Variants in UCK2 observed in about 807,000 individuals in gnomAD.
UCK2 encodes uridine-cytidine kinase 2, also known as cytidine monophosphokinase 2.
Under a neutral mutation model 30.8 loss-of-function variants are expected in UCK2, and 6 were observed. The observed-to-expected ratio is 0.19, with a 90% CI of 0.11 to 0.38. The LOEUF is 0.38. UCK2 is among the 10% of genes least tolerant of loss of function. The pLI is 1.00. For synonymous variants in UCK2, 125 were observed against 133.6 expected (o/e 0.94, Z 0.45); for missense variants, 210 against 339.8 (o/e 0.62, Z 3.00).
intron 1 of UCK2, among the ~76,000 whole-genome samples, chr1:165,843,104 C>T (rs1461080329): frequency 1.3e-5 from 2 of 152,144 alleles, no homozygotes; most frequent in Non-Finnish European, 2.9e-5. Context: ...TTCTCTGACA[C>T]CACCCCATAC....
chr1:165,846,298 T>A (rs1443817692), intron 1 of UCK2, among the ~76,000 whole-genome samples: 2 of 152,180 alleles, frequency 1.3e-5, no homozygotes, highest in African/African-American at 4.8e-5. Flanking sequence ...TGAGACTTTG[T>A]CTCTAAAAAA....
intron 1 of UCK2, among the ~76,000 whole-genome samples, chr1:165,845,845 C>T (rs1018856009): frequency 6.6e-6 from 1 of 152,040 alleles, no homozygotes; most frequent in African/African-American, 2.4e-5. Context: ...TTTTAAAATT[C>T]TTTTTAGAGA....
chr1:165,884,836 TTGA>T (rs1488411683), intron 1 of UCK2, among the ~76,000 whole-genome samples: 5 of 152,226 alleles, frequency 3.3e-5, no homozygotes, highest in Non-Finnish European at 7.3e-5. Flanking sequence ...AAGGGGCCTG[TTGA>T]TGAGCTGTTT....
chr1:165,866,435 A>C (rs1249693648), intron 1 of UCK2, among the ~76,000 whole-genome samples: 1 of 152,316 alleles, frequency 6.6e-6, no homozygotes, highest in Admixed American at 6.5e-5. Flanking sequence ...ATAAGTGTTC[A>C]CAGATTGATA....
At chr1:165,870,463 CCA>C (rs1412655538) in intron 1 of UCK2, among the ~76,000 whole-genome samples, 2 of 146,158 alleles carry the variant, frequency 1.4e-5, no homozygotes, top group African/African-American at 5.1e-5. Flanking sequence ...ATTTGAATGT[CCA>C]GTTTTCCCAG....
intron 1 of UCK2, among the ~76,000 whole-genome samples, chr1:165,867,299 AT>A (rs1456986881): frequency 6.6e-6 from 1 of 152,122 alleles, no homozygotes; most frequent in Non-Finnish European, 1.5e-5. Context: ...GGCTATTGCA[AT>A]TTCTTAAAGT....
chr1:165,890,962 G>A (rs1208910066), intron 2 of UCK2: 3 of 400,246 alleles, frequency 7.5e-6, no homozygotes, highest in Non-Finnish European at 1.4e-5. Context: ...CTTGGAGAGG[G>A]GAAAGAACTG....
chr1:165,845,925 C>T (rs980954409), intron 1 of UCK2, among the ~76,000 whole-genome samples: 1 of 152,148 alleles, frequency 6.6e-6, no homozygotes, highest in African/African-American at 2.4e-5. Flanking sequence ...CCTCGGCCTC[C>T]GAAAGTGTTG....
chr1:165,859,906 GTCCACCCTGC>G, intron 1 of UCK2, among the ~76,000 whole-genome samples: 1 of 152,146 alleles, frequency 6.6e-6, no homozygotes, highest in Non-Finnish European at 1.5e-5. Flanking sequence ...TGCCCACCTT[GTCCACCCTGC>G]TTTGCCCATC....
chr1:165,831,989 G>A (rs552557374), intron 1 of UCK2, among the ~76,000 whole-genome samples: 101 of 152,116 alleles, frequency 6.6e-4, no homozygotes, highest in Admixed American at 2.2e-3. Context: ...GGCTGGTCTC[G>A]AACTCCTGAC....
At chr1:165,902,985 A>G (rs1233332731) in intron 4 of UCK2, 197 bp from the exon 5 acceptor site, 5 of 446,396 alleles carry the variant, frequency 1.1e-5, no homozygotes, top group Admixed American at 7.8e-5. Flanking sequence ...AAGTTTGACC[A>G]TTGTAAGATG....
rs920936199 is a variant in UCK2 at position 165,827,781 on chromosome 1, C to G, written c.-53C>G. 1 of 1,314,630 alleles carries G rather than the reference C, an allele frequency of 7.6e-7. No individual in the cohort carries two copies. The highest frequency in any genetic ancestry group is 1.5e-5 in the African/African-American group (1 of 65,900). The allele number at this position is 1,314,630 out of a possible 1,614,324, so 81.4% of individuals were successfully genotyped here. On this transcript the variant is annotated 5_prime_UTR_variant, in exon 1 of 7. Transcript: ENST00000367879. Reference sequence around the variant, plus strand: ...GGAGGGAGTCCGACGCGGGCGCGGGCGGGGAGCGTGCGTCCGTTCGCACAG... The same window carrying G: ...GGAGGGAGTCCGACGCGGGCGCGGGGGGGGAGCGTGCGTCCGTTCGCACAG...
chr1:165,849,575 G>T (rs557160315), intron 1 of UCK2, among the ~76,000 whole-genome samples: 30 of 152,352 alleles, frequency 2.0e-4, no homozygotes, highest in African/African-American at 7.2e-4. Context: ...GGAAGCCAGT[G>T]CTAGGGCACT....
chr1:165,893,563 A>G (rs1464249646), intron 3 of UCK2, among the ~76,000 whole-genome samples: 2 of 152,252 alleles, frequency 1.3e-5, no homozygotes. Context: ...TGTTGCAATT[A>G]CATTTCTCTG....
At chr1:165,889,399 C>T (rs1346942343) in intron 1 of UCK2, among the ~76,000 whole-genome samples, 1 of 152,196 alleles carries the variant, frequency 6.6e-6, no homozygotes, top group Non-Finnish European at 1.5e-5. Flanking sequence ...ATTCCAAGGC[C>T]CTGTAGCCCC....
chr1:165,897,519 G>C (rs1571298544), intron 4 of UCK2, among the ~76,000 whole-genome samples: 1 of 152,188 alleles, frequency 6.6e-6, no homozygotes, highest in African/African-American at 2.4e-5. Flanking sequence ...TTGAGTCTCC[G>C]TTGTGTGACA....
In UCK2 at chr1:165,882,886, A is replaced by G. The variant is rs571870301; in HGVS notation, c.100-7318A>G. Among the ~76,000 whole-genome samples the G allele has an allele frequency of 2.6e-5, 4 of 152,148 alleles. No homozygotes were observed. The South Asian group carries it at 8.3e-4, about 32-fold the overall frequency. On this transcript the variant is annotated intron_variant, in intron 1 of 6. Coordinates refer to ENST00000367879, the MANE Select transcript of UCK2 (RefSeq NM_012474.5). ...TGTCACGAGGCTGGAGTGCAGTGGC[A>G]TGATCTCAGCTCACTGTAACCTCTG... is the stretch of plus-strand genomic sequence containing the variant.
intron 1 of UCK2, among the ~76,000 whole-genome samples, chr1:165,887,159 A>C (rs2101879569): frequency 6.6e-6 from 1 of 152,324 alleles, no homozygotes; most frequent in East Asian, 1.9e-4. Flanking sequence ...AGTGTTTGGC[A>C]CAGGGACTGC....
rs533784597 is a variant in UCK2, at chr1:165,852,669, C to T, written c.99+24737C>T. On this transcript the variant is annotated intron_variant, in intron 1 of 6. Coordinates refer to ENST00000367879, the MANE Select transcript of UCK2 (RefSeq NM_012474.5). ...TAAAAGGCTTCCAGAGCAGGGGACC[C>T]ATATATTTAGTCCCATAGAACACAT... Among the ~76,000 whole-genome samples the T allele has an allele frequency of 2.0e-5, 3 of 152,298 alleles. No individual in the cohort carries two copies. The South Asian group carries it at 6.2e-4, about 32-fold the overall frequency.
Sources: allele counts gnomAD v4.1 joint callset (sites outside exome capture counted in the v4.1 genomes callset), GRCh38; gene constraint gnomAD v4.1.1; transcripts MANE v1.5; gene names NCBI Gene and HGNC (gene_info 2026-07-23, HGNC 2026-07-21).